The following VPS13D variants were observed in gnomAD, a reference collection of about 807,000 sequenced individuals.
VPS13D encodes the protein intermembrane lipid transfer protein VPS13D.
Under a neutral mutation model 461.9 loss-of-function variants are expected in VPS13D, and 187 were observed. The observed-to-expected ratio is 0.40, with a 90% confidence interval of 0.36 to 0.46. The LOEUF (loss-of-function observed/expected upper bound fraction) is 0.46, where lower values mean the gene tolerates loss of function less well. Among genes scored for constraint, VPS13D ranks in the 20% least tolerant of loss-of-function variants. The pLI, the probability that VPS13D is intolerant of heterozygous loss-of-function variation, is 0.60. For missense variants in VPS13D, 4,711 were observed against 5,364.9 expected, an observed-to-expected ratio of 0.88 and a Z score of 3.81; for synonymous variants, 1,951 against 1,986.3, an observed-to-expected ratio of 0.98 and a Z score of 0.47.
intron 29 of VPS13D, among the ~76,000 whole-genome samples, chr1:12,312,242 G>T (rs1434236205): frequency 1.3e-5 from 2 of 152,202 alleles, no homozygotes; most frequent in Non-Finnish European, 2.9e-5. Context: ...GTCGCTTAGG[G>T]TGACAGAGCA....
chr1:12,236,658 C>T (rs1383877947), intron 2 of VPS13D, among the ~76,000 whole-genome samples: 2 of 152,166 alleles, frequency 1.3e-5, no homozygotes, highest in East Asian at 1.9e-4. Context: ...GCTGGGATTA[C>T]AGGCATGTTC....
Position 12,354,187 on chromosome 1 carries a change from C to T in VPS13D, c.9645C>T (p.Leu3215=), listed in dbSNP as rs376907913. The T allele has an allele frequency of 1.2e-4, 197 of 1,613,954 alleles. No homozygotes were observed. Among genetic ancestry groups the T allele is most frequent in the Non-Finnish European group, 1.6e-4 (183 of 1,180,018 alleles). ...TGAAACCTGGCAAGGAGGCAGCTCTCCATACAGCTGATACATCCCAGAACA... is the reference window on the plus strand; with the variant it reads ...TGAAACCTGGCAAGGAGGCAGCTCTTCATACAGCTGATACATCCCAGAACA... ...GTLKPGKEAA[L]HTADTSQNIE... The change falls in exon 47 of 70, where the codon CTC becomes CTT. Residue 3215 remains leucine (L), a synonymous_variant. Coordinates refer to ENST00000620676, the MANE Select transcript of VPS13D (RefSeq NM_015378.4).
chr1:12,411,677 T>C (rs1015964283), intron 63 of VPS13D, among the ~76,000 whole-genome samples: 12 of 152,238 alleles, frequency 7.9e-5, no homozygotes, highest in African/African-American at 2.9e-4. Flanking sequence ...TGTGGGTTAA[T>C]AATTTGGACT....
At chr1:12,386,676 G>A (rs933847638) in intron 60 of VPS13D, among the ~76,000 whole-genome samples, 5 of 152,142 alleles carry the variant, frequency 3.3e-5, no homozygotes, top group Non-Finnish European at 7.3e-5. Context: ...TAAAGAACTG[G>A]ACTTTGCTTT....
intron 24 of VPS13D, among the ~76,000 whole-genome samples, chr1:12,295,586 CTGT>C (rs1328867840): frequency 6.6e-6 from 1 of 152,134 alleles, no homozygotes; most frequent in Non-Finnish European, 1.5e-5. Flanking sequence ...TAATTTGTTT[CTGT>C]TGTTTTCTAT....
intron 63 of VPS13D, among the ~76,000 whole-genome samples, chr1:12,411,965 C>T (rs1644736084): frequency 6.6e-6 from 1 of 152,178 alleles, no homozygotes; most frequent in Non-Finnish European, 1.5e-5. Context: ...TATTATATCT[C>T]TCGCATCCTA....
chr1:12,428,601 CT>C (rs1390611302), intron 65 of VPS13D, among the ~76,000 whole-genome samples: 1 of 152,176 alleles, frequency 6.6e-6, no homozygotes, highest in Non-Finnish European at 1.5e-5. Context: ...GGGTGCCCTT[CT>C]CTGTTTCTGG....
At chr1:12,272,143 G>T (rs938862919) in intron 17 of VPS13D, among the ~76,000 whole-genome samples, 1 of 152,184 alleles carries the variant, frequency 6.6e-6, no homozygotes, top group African/African-American at 2.4e-5. Flanking sequence ...AGTGAGCTAT[G>T]ATCTGCCCTC....
At chr1:12,418,389 T>G (rs1644822539) in intron 65 of VPS13D, among the ~76,000 whole-genome samples, 2 of 152,130 alleles carry the variant, frequency 1.3e-5, no homozygotes, top group African/African-American at 2.4e-5. Flanking sequence ...TCTTCTTGCT[T>G]TAGCTCTTGG....
In VPS13D at chr1:12,314,161, C is replaced by T; in HGVS notation, c.6982C>T (p.Gln2328Ter). The change falls in exon 30 of 70, where the codon CAA (glutamine) becomes TAA (stop). Residue 2328 changes from glutamine (Q) to a stop codon, truncating the protein, a stop_gained. Coordinates refer to ENST00000620676, the MANE Select transcript of VPS13D (RefSeq NM_015378.4). LOFTEE classifies it high-confidence loss of function. ...ACTGCTCTATGAAAGTTTTTCCAAC[C>T]AAACCAAGTCCATTAACTTGGTTTC... ...CKLLYESFSN[Q>*]TKSINLVSHS... 3 of 1,614,128 alleles carry T rather than the reference C, an allele frequency of 1.9e-6. No homozygotes were observed. The highest frequency in any genetic ancestry group is 2.5e-6 in the Non-Finnish European group (3 of 1,180,016).
chr1:12,327,628 A>C lies in VPS13D; in HGVS notation c.7991-20A>C. On this transcript the variant is annotated intron_variant, in intron 35 of 69. Coordinates refer to ENST00000620676, the MANE Select transcript of VPS13D (RefSeq NM_015378.4). ...GCTGTGGAAGCTGGTAGAACTGATC[A>C]CTTCTTAATTTCTTTGAAGGCCAAT... 1 of 1,613,198 alleles carries C rather than the reference A, an allele frequency of 6.2e-7. No individual in the cohort carries two copies. Among genetic ancestry groups the C allele is most frequent in the Non-Finnish European group, 8.5e-7 (1 of 1,179,456 alleles).
At chr1:12,270,472 A>C (rs1482469632) in intron 16 of VPS13D, among the ~76,000 whole-genome samples, 2 of 152,160 alleles carry the variant, frequency 1.3e-5, no homozygotes, top group Non-Finnish European at 2.9e-5. Context: ...AGAAGAGAAA[A>C]AAAAGAATAT....
chr1:12,276,064 A>G lies in VPS13D; in HGVS notation c.2476A>G (p.Ile826Val), dbSNP rs1641601872. The G allele has an allele frequency of 6.2e-7, 1 of 1,614,138 alleles. No homozygotes were observed. The highest frequency in any genetic ancestry group is 8.5e-7 in the Non-Finnish European group (1 of 1,180,038). ...CTCGCTGTCATTTATGGACCTCCAG[A>G]TCATGGTTGGACGAGTGAAAGACAA... is the stretch of plus-strand genomic sequence containing the variant. Reference protein sequence around the residue: ...RYSLSFMDLQIMVGRVKDNWK... With the variant: ...RYSLSFMDLQVMVGRVKDNWK... The change falls in exon 19 of 70, where the codon ATC (isoleucine) becomes GTC (valine). Residue 826 changes from isoleucine to valine, a missense_variant. Ile to Val is a conservative substitution (Grantham distance 29). Around this residue, in one of 3 missense-constraint regions of VPS13D, gnomAD observed 4,411 missense variants for 4,937.8 expected, o/e 0.89. Transcript: ENST00000620676. The surrounding 1 kb of genome is among the most constrained non-coding windows in gnomAD (Gnocchi z 4.5).
chr1:12,469,703 CTT>C (rs909182503), intron 67 of VPS13D, among the ~76,000 whole-genome samples: 8 of 152,354 alleles, frequency 5.3e-5, no homozygotes, highest in Admixed American at 3.9e-4. Context: ...TTGCTCCTGA[CTT>C]TTACTGGGTT....
At position 12,495,903 on chromosome 1, in the gene VPS13D, A is replaced by G. The variant is rs1645950251; in HGVS notation, c.12663-1597A>G. 6.6e-6 allele frequency among the ~76,000 whole-genome samples: 1 copy of G among 152,202 alleles called. No homozygotes were observed. Among genetic ancestry groups the G allele is most frequent in the Admixed American group, 6.5e-5 (1 of 15,286 alleles). The stretch of plus-strand genomic sequence containing the variant: ...CTCTGCTACGTGGAGAGGCACGCCA[A>G]GCTCCTTCCCCCAACCCCGCTGCCT... On this transcript the variant is annotated intron_variant, in intron 67 of 69. Coordinates refer to ENST00000620676, the MANE Select transcript of VPS13D (RefSeq NM_015378.4). The surrounding 1 kb of genome is among the most constrained non-coding windows in gnomAD (Gnocchi z 4.0).
intron 46 of VPS13D, 84 bp downstream of exon 46, chr1:12,349,458 C>A: frequency 8.1e-7 from 1 of 1,240,128 alleles, no homozygotes. Context: ...TCTCTAAAGA[C>A]CCTTAGAGAT....
chr1:12,488,913 A>C (rs1391420444), intron 67 of VPS13D, among the ~76,000 whole-genome samples: 1 of 152,238 alleles, frequency 6.6e-6, no homozygotes, highest in African/African-American at 2.4e-5. Context: ...TACTTAGAAC[A>C]CAAAGAAAGC....
At chr1:12,270,093 T>C (rs1390701380) in intron 16 of VPS13D, among the ~76,000 whole-genome samples, 1 of 151,696 alleles carries the variant, frequency 6.6e-6, no homozygotes, top group Non-Finnish European at 1.5e-5. Context: ...AGTTCGAGGC[T>C]GCAGTGAGCT....
intron 46 of VPS13D, among the ~76,000 whole-genome samples, chr1:12,352,095 G>A (rs981600420): frequency 3.3e-5 from 5 of 151,736 alleles, no homozygotes; most frequent in Non-Finnish European, 7.4e-5. Flanking sequence ...TTCGAGACCA[G>A]CCTGGCCAAT....
Sources: gnomAD v4.1 joint callset for allele counts (sites outside exome capture counted in the v4.1 genomes callset) on GRCh38, gnomAD v4.1.1 for gene constraint, gnomAD v4.1.1 regional missense constraint, Gnocchi (gnomAD v3.1) non-coding constraint, MANE v1.5 for transcripts, NCBI Gene and HGNC (gene_info 2026-07-23, HGNC 2026-07-21) for gene names.